The following MRNIP variants were observed in gnomAD, a reference collection of about 807,000 sequenced individuals.
The protein encoded by MRNIP is MRN complex-interacting protein.
MRNIP carries 30 observed loss-of-function variants against 29.8 expected under a neutral mutation model. That is an observed-to-expected ratio of 1.01 (90% confidence interval 0.75 to 1.36). MRNIP has a LOEUF of 1.36. Among genes scored for constraint, MRNIP ranks in the 40% most tolerant of loss-of-function variants. The probability of loss-of-function intolerance (pLI) is 0.00; values close to 1 mark genes in which losing one functional copy is unlikely to be tolerated. For synonymous variants in MRNIP, 201 were observed against 164.1 expected, an observed-to-expected ratio of 1.23 and a Z score of -1.72; for missense variants, 459 against 423.5, an observed-to-expected ratio of 1.08 and a Z score of -0.74.
Position 179,842,053 on chromosome 5 carries a change from C to T in MRNIP, c.303G>A (p.Gln101=), listed in dbSNP as rs766523986. The change falls in exon 5 of 7, where the codon CAG becomes CAA. Residue 101 remains glutamine (Q), a synonymous_variant. Transcript: ENST00000292586. ...ACTTCAGCCAGCGACTCTCTGAGGG[C>T]TGCGATTTTTCCTGCCAGATTGAGA... The part of the protein sequence containing the change: ...AGNVKQQEKS[Q]PSESRWLKYL... The T allele has an allele frequency of 4.3e-6, 7 of 1,612,642 alleles. No individual in the cohort carries two copies. In the Admixed American group the frequency reaches 8.4e-5, roughly 19 times the overall value.
intron 2 of MRNIP, among the ~76,000 whole-genome samples, chr5:179,849,518 G>A (rs532811280): frequency 1.3e-5 from 2 of 150,138 alleles, no homozygotes; most frequent in South Asian, 4.2e-4. Context: ...TTGTGACCAT[G>A]GGTCCTGCTA....
At chr5:179,853,075 C>T in intron 2 of MRNIP, 1 of 550,176 alleles carries the variant, frequency 1.8e-6, no homozygotes, top group South Asian at 1.9e-5. Flanking sequence ...CTTCCCCTTC[C>T]ACACAAGTGC....
Position 179,853,136 on chromosome 5 carries a change from T to G in MRNIP, c.126+242A>C, listed in dbSNP as rs1466037446. ...GGCTTACTTTCCACTGTTCCCCTTG[T>G]GCTTGGCACACAGAAAGTACTCAAG... On this transcript the variant is annotated intron_variant, in intron 2 of 6. Coordinates refer to ENST00000292586, the MANE Select transcript of MRNIP (RefSeq NM_016175.4). 7 of 1,166,040 alleles carry G rather than the reference T, an allele frequency of 6.0e-6. No individual in the cohort carries two copies. In the East Asian group the frequency reaches 1.7e-4, roughly 28 times the overall value. The allele number at this position is 1,166,040 out of a possible 1,614,324, so 72.2% of individuals were successfully genotyped here.
intron 5 of MRNIP, 56 bp downstream of exon 5, chr5:179,841,851 C>A: frequency 6.4e-7 from 1 of 1,574,458 alleles, no homozygotes; most frequent in Non-Finnish European, 8.7e-7. Flanking sequence ...TGGTGCCCCA[C>A]TGCTGGAGGC....
intron 1 of MRNIP, among the ~76,000 whole-genome samples, chr5:179,854,009 G>C (rs1759484282): frequency 6.9e-6 from 1 of 144,218 alleles, no homozygotes; most frequent in African/African-American, 2.7e-5. Flanking sequence ...ACCATGCCTG[G>C]CCTGAAATAA....
intron 2 of MRNIP, among the ~76,000 whole-genome samples, chr5:179,852,537 A>C (rs1461329472): frequency 6.6e-6 from 1 of 152,178 alleles, no homozygotes; most frequent in Non-Finnish European, 1.5e-5. Context: ...CTCTGTTCTC[A>C]CGGAACTTAC....
At chr5:179,858,087 G>A (rs567664888) in intron 1 of MRNIP, among the ~76,000 whole-genome samples, 3 of 152,220 alleles carry the variant, frequency 2.0e-5, no homozygotes, top group Non-Finnish European at 4.4e-5. Flanking sequence ...TAATTAGGAG[G>A]GAGGGACTAT....
chr5:179,842,125 C>A (rs766391881), intron 4 of MRNIP, 61 bp from the exon 5 acceptor site: 47 of 1,533,984 alleles, frequency 3.1e-5, no homozygotes, highest in Middle Eastern at 3.5e-4. Context: ...TTATCGAAAA[C>A]CCCTAGCCCA....
chr5:179,844,360 C>T lies in MRNIP; in HGVS notation c.216-133G>A, dbSNP rs1232385150. 1.0e-5 allele frequency: 7 copies of T among 685,252 alleles called. No homozygotes were observed. The Admixed American group carries it at 1.4e-4, about 13-fold the overall frequency. 42.4% of individuals were successfully genotyped at this position (685,252 alleles called of 1,614,324 possible). A position where few individuals can be genotyped will look rare whatever the true frequency, so the allele number is the denominator to read the frequency against. On this transcript the variant is annotated intron_variant, in intron 3 of 6. Transcript: ENST00000292586. ...CTGAGGTCAGGAGTTCGAGACAAGTCTGACGAACACGGTGGTGCATACCTA... is the reference window on the plus strand; with the variant it reads ...CTGAGGTCAGGAGTTCGAGACAAGTTTGACGAACACGGTGGTGCATACCTA...
At chr5:179,854,624 CAAACA>C (rs1759507501) in intron 1 of MRNIP, among the ~76,000 whole-genome samples, 1 of 150,404 alleles carries the variant, frequency 6.6e-6, no homozygotes, top group Non-Finnish European at 1.5e-5. Context: ...AAACCAAATC[CAAACA>C]AAACAAAACC....
At chr5:179,855,877 CTA>C (rs1362979028) in intron 1 of MRNIP, among the ~76,000 whole-genome samples, 4 of 146,228 alleles carry the variant, frequency 2.7e-5, no homozygotes, top group African/African-American at 7.6e-5. Flanking sequence ...TGTGGATTTT[CTA>C]TGAGTATATA....
Position 179,837,747 on chromosome 5 carries a change from A to C in MRNIP, c.676T>G (p.Ser226Ala). ...AGGACAAATTGCGCCCATTTAGAGG[A>C]TGTGGCTGTAACCTGCTGGATGGGA... ...WSPIQQVTATSSKWAQFVLPP... is the reference protein window; with the variant it reads ...WSPIQQVTATASKWAQFVLPP... Residue 226 changes from serine (S) to alanine (A), a missense_variant, in exon 7 of 7, where the codon TCC becomes GCC. Physicochemically the swap from Ser to Ala is moderately conservative, Grantham distance 99 (BLOSUM62 1). Transcript: ENST00000292586. The C allele has an allele frequency of 6.2e-7, 1 of 1,614,202 alleles. No homozygotes were observed.
chr5:179,851,190 GA>G, intron 2 of MRNIP: 1 of 454,326 alleles, frequency 2.2e-6, no homozygotes, highest in Non-Finnish European at 4.4e-6. Context: ...GGAGAATGTA[GA>G]AATATATACA....
Position 179,837,317 on chromosome 5 carries a change from T to A in MRNIP, c.*74A>T, listed in dbSNP as rs1212600382. On this transcript the variant is annotated 3_prime_UTR_variant, in exon 7 of 7. Coordinates refer to ENST00000292586, the MANE Select transcript of MRNIP (RefSeq NM_016175.4). ...TATTGTTAATGGTTCTTACAGAGTA[T>A]CTTTAAAAGTGCCTTAGGGGAACCC... is the stretch of plus-strand genomic sequence containing the variant. The A allele has an allele frequency of 3.1e-6, 5 of 1,593,026 alleles. No homozygotes were observed. Among genetic ancestry groups the A allele is most frequent in the Non-Finnish European group, 4.3e-6 (5 of 1,169,216 alleles).
At chr5:179,851,269 G>A (rs1283734716) in intron 2 of MRNIP, 2 of 455,946 alleles carry the variant, frequency 4.4e-6, no homozygotes, top group African/African-American at 4.0e-5. Flanking sequence ...TCTCTTCTGA[G>A]ACCCAATCCC....
chr5:179,851,353 T>C (rs934226444), intron 2 of MRNIP: 2 of 455,912 alleles, frequency 4.4e-6, no homozygotes, highest in African/African-American at 4.0e-5. Context: ...AATTTATAAT[T>C]GAGACTCAGC....
chr5:179,855,154 ATT>A (rs1399324579), intron 1 of MRNIP, among the ~76,000 whole-genome samples: 2 of 150,404 alleles, frequency 1.3e-5, no homozygotes, highest in African/African-American at 5.0e-5. Flanking sequence ...TTTAATTTTA[ATT>A]TTTTTGAGAC....
At chr5:179,845,610 C>T (rs1486436597) in intron 3 of MRNIP, among the ~76,000 whole-genome samples, 3 of 151,708 alleles carry the variant, frequency 2.0e-5, no homozygotes, top group Non-Finnish European at 2.9e-5. Flanking sequence ...ATTCTTATGC[C>T]TCAGCCTCCT....
rs554561745 is a variant in MRNIP at position 179,858,707 on chromosome 5, G to A, written c.66+24C>T. The A allele has an allele frequency of 5.6e-6, 8 of 1,433,448 alleles. No individual in the cohort carries two copies. The East Asian group carries it at 2.1e-4, about 38-fold the overall frequency. The allele number at this position is 1,433,448 out of a possible 1,614,324, so 88.8% of individuals were successfully genotyped here. ...CCGCTGTCCCCGCGCCGGAGGAGGA[G>A]GAGGGGGCTGGCACCCGCCAGACCT... is the stretch of plus-strand genomic sequence containing the variant. On this transcript the variant is annotated intron_variant, in intron 1 of 6. Transcript: ENST00000292586.
Sources: allele counts gnomAD v4.1 joint callset (sites outside exome capture counted in the v4.1 genomes callset), GRCh38; gene constraint gnomAD v4.1.1; transcripts MANE v1.5; gene names NCBI Gene and HGNC (gene_info 2026-07-23, HGNC 2026-07-21).